Variants in BCAS3 observed in about 807,000 individuals in gnomAD.
BCAS3 encodes the protein BCAS3 microtubule associated cell migration factor, also known as BCAS4/BCAS3 fusion.
BCAS3 carries 53 observed loss-of-function variants against 116.1 expected under a neutral mutation model. The ratio of observed to expected loss-of-function variants is 0.46; its 90% CI spans 0.37 to 0.57. BCAS3 has a LOEUF of 0.57. Among genes scored for constraint, BCAS3 ranks in the 20% least tolerant of loss-of-function variants. The pLI, the probability that BCAS3 is intolerant of heterozygous loss-of-function variation, is 0.00. For synonymous variants in BCAS3, 391 were observed against 408.2 expected, an observed-to-expected ratio of 0.96 and a Z score of 0.51; for missense variants, 917 against 1,165.4, an observed-to-expected ratio of 0.79 and a Z score of 3.10.
chr17:61,046,781 A>AT (rs1486226484), intron 19 of BCAS3, among the ~76,000 whole-genome samples: 2 of 151,616 alleles, frequency 1.3e-5, no homozygotes, highest in South Asian at 2.1e-4. Context: ...TGTTGCAAGC[A>AT]TTTTTTTTGT....
chr17:60,818,835 C>A (rs1012198588), intron 7 of BCAS3, among the ~76,000 whole-genome samples: 1 of 152,030 alleles, frequency 6.6e-6, no homozygotes, highest in Non-Finnish European at 1.5e-5. Flanking sequence ...TTAGGTATAC[C>A]GTTTATGCTG....
In BCAS3 at chr17:61,363,073, C is replaced by T. The variant is rs2058538342; in HGVS notation, c.2426-5254C>T. ...TTCATTATGGAGGAATTCATGCCCT[C>T]GGGAGCTTCTAAACTAGTTAGAAAA... is the stretch of plus-strand genomic sequence containing the variant. On this transcript the variant is annotated intron_variant, in intron 22 of 23. Coordinates refer to ENST00000407086, the MANE Select transcript of BCAS3 (RefSeq NM_017679.5). This position sits in a 1 kb window ranked among gnomAD's most constrained non-coding sequence, Gnocchi z 4.9. 6.6e-6 allele frequency among the ~76,000 whole-genome samples: 1 copy of T among 152,102 alleles called. No homozygotes were observed. Among genetic ancestry groups the T allele is most frequent in the African/African-American group, 2.4e-5 (1 of 41,412 alleles).
chr17:61,295,826 A>C (rs2144721283), intron 22 of BCAS3, among the ~76,000 whole-genome samples: 1 of 151,840 alleles, frequency 6.6e-6, no homozygotes, highest in South Asian at 2.1e-4. Context: ...GTGGTGATGC[A>C]CATCTGTAAT....
At position 61,391,054 on chromosome 17, in the gene BCAS3, C is replaced by G. The variant is rs2060108131; in HGVS notation, c.2594-923C>G. ...TCAAAAAGCCAAGAAGTAATTGGTT[C>G]TTCCTTGCACTCAGCAAGCAGGGAA... On this transcript the variant is annotated intron_variant, in intron 23 of 23. Coordinates refer to ENST00000407086, the MANE Select transcript of BCAS3 (RefSeq NM_017679.5). The surrounding 1 kb of genome is among the most constrained non-coding windows in gnomAD (Gnocchi z 7.7). 6.6e-6 allele frequency: 1 copy of G among 152,256 alleles called. No individual in the cohort carries two copies. The highest frequency in any genetic ancestry group is 1.5e-5 in the Non-Finnish European group (1 of 68,062). The allele number at this position is 152,256 out of a possible 1,614,324, so 9.4% of individuals were successfully genotyped here. A position where few individuals can be genotyped will look rare whatever the true frequency, so the allele number is the denominator to read the frequency against.
chr17:60,992,825 A>AAT (rs2063613607), intron 15 of BCAS3, among the ~76,000 whole-genome samples: 1 of 152,172 alleles, frequency 6.6e-6, no homozygotes, highest in African/African-American at 2.4e-5. Flanking sequence ...TTAGTGTTAA[A>AAT]ATTGTGTTTT....
intron 7 of BCAS3, among the ~76,000 whole-genome samples, chr17:60,815,856 A>C (rs2049336435): frequency 2.0e-5 from 3 of 152,026 alleles, no homozygotes; most frequent in South Asian, 2.1e-4. Flanking sequence ...GCCCATCTTT[A>C]TTTCTTTCTT....
rs534451541 is a variant in BCAS3 at position 60,756,768 on chromosome 17, G to A, written c.403+9489G>A. The stretch of plus-strand genomic sequence containing the variant: ...AGGTTATACAGATTTCTTCTCCTTT[G>A]GATAAATACCAAGTAATGGGATTGC... On this transcript the variant is annotated intron_variant, in intron 6 of 23. Coordinates refer to ENST00000407086, the MANE Select transcript of BCAS3 (RefSeq NM_017679.5). Among the ~76,000 whole-genome samples, 33 of 152,186 alleles carry A rather than the reference G, an allele frequency of 2.2e-4. 1 individual carries two copies. The highest frequency in any genetic ancestry group is 4.1e-4 in the Non-Finnish European group (28 of 67,988).
At position 61,068,933 on chromosome 17, in the gene BCAS3, C is replaced by T. The variant is rs1391365665; in HGVS notation, c.2030-5987C>T. Among the ~76,000 whole-genome samples, 2 of 151,972 alleles carry T rather than the reference C, an allele frequency of 1.3e-5. No individual in the cohort carries two copies. Among genetic ancestry groups the T allele is most frequent in the African/African-American group, 2.4e-5 (1 of 41,350 alleles). On this transcript the variant is annotated intron_variant, in intron 19 of 23. Transcript: ENST00000407086. The surrounding 1 kb of genome is among the most constrained non-coding windows in gnomAD (Gnocchi z 4.3). ...AGGTAGTAAACATAGAATGTTCTTC[C>T]TACCTGGATTGAGAGAAATTTTTTA...
intron 5 of BCAS3, among the ~76,000 whole-genome samples, chr17:60,731,428 G>T (rs2040443180): frequency 6.6e-6 from 1 of 152,102 alleles, no homozygotes; most frequent in Admixed American, 6.5e-5. Context: ...GGCCAGGCTG[G>T]TCTCAAACTC....
chr17:61,210,608 T>G (rs946205809), intron 22 of BCAS3, among the ~76,000 whole-genome samples: 7 of 152,194 alleles, frequency 4.6e-5, no homozygotes, highest in African/African-American at 1.7e-4. Flanking sequence ...TCACTGAAAT[T>G]GCTCTGTGAC....
chr17:60,724,086 C>G (rs2039552115), intron 5 of BCAS3, among the ~76,000 whole-genome samples: 1 of 151,646 alleles, frequency 6.6e-6, no homozygotes, highest in Admixed American at 6.6e-5. Context: ...TTATCTTTTA[C>G]TCTATTATTA....
At chr17:60,945,917 G>T (rs970338793) in intron 13 of BCAS3, among the ~76,000 whole-genome samples, 1 of 151,692 alleles carries the variant, frequency 6.6e-6, no homozygotes, top group African/African-American at 2.4e-5. Flanking sequence ...TCAGGAGATC[G>T]AGACCATCCT....
rs2077844634 is a variant in BCAS3, at chr17:61,156,433, T to C, written c.2425+71869T>C. The stretch of plus-strand genomic sequence containing the variant: ...TAATATTTGGTCTGCCAAAATGAGA[T>C]AGAGAAATGGAAATACGTGCTTTGT... On this transcript the variant is annotated intron_variant, in intron 22 of 23. Coordinates refer to ENST00000407086, the MANE Select transcript of BCAS3 (RefSeq NM_017679.5). This position sits in a 1 kb window ranked among gnomAD's most constrained non-coding sequence, Gnocchi z 4.7. 6.6e-6 allele frequency among the ~76,000 whole-genome samples: 1 copy of C among 152,156 alleles called. No individual in the cohort carries two copies. The highest frequency in any genetic ancestry group is 2.4e-5 in the African/African-American group (1 of 41,422).
intron 23 of BCAS3, among the ~76,000 whole-genome samples, chr17:61,374,196 T>C (rs1025999642): frequency 1.3e-5 from 2 of 150,150 alleles, no homozygotes; most frequent in Non-Finnish European, 3.0e-5. Context: ...CCTTTTTTTT[T>C]TTTTTTCTCT....
intron 22 of BCAS3, among the ~76,000 whole-genome samples, chr17:61,271,956 C>T (rs1469836693): frequency 6.8e-6 from 1 of 147,198 alleles, no homozygotes; most frequent in African/African-American, 2.7e-5. Context: ...ACTACAGGCA[C>T]ACACCACCAT....
intron 10 of BCAS3, among the ~76,000 whole-genome samples, chr17:60,892,171 G>T (rs1246339548): frequency 1.3e-5 from 2 of 152,090 alleles, no homozygotes; most frequent in African/African-American, 4.8e-5. Context: ...ATACCCAGTG[G>T]TGGGATTGCT....
intron 21 of BCAS3, among the ~76,000 whole-genome samples, chr17:61,079,501 C>T (rs887746880): frequency 1.3e-5 from 2 of 152,232 alleles, no homozygotes; most frequent in South Asian, 2.1e-4. Flanking sequence ...AGAGTACGGC[C>T]GGCTGCCTAC....
intron 16 of BCAS3, among the ~76,000 whole-genome samples, chr17:61,018,319 T>G (rs904858029): frequency 1.6e-4 from 21 of 132,562 alleles, no homozygotes; most frequent in African/African-American, 7.5e-4. Context: ...TTTTTTTTTT[T>G]GAGACGTAGT....
chr17:61,247,600 A>G (rs2048072126), intron 22 of BCAS3, among the ~76,000 whole-genome samples: 1 of 152,194 alleles, frequency 6.6e-6, no homozygotes, highest in Non-Finnish European at 1.5e-5. Context: ...ACCACCTACC[A>G]GCAAGAGCAG....
Sources: gnomAD v4.1 joint callset for allele counts (sites outside exome capture counted in the v4.1 genomes callset) on GRCh38, gnomAD v4.1.1 for gene constraint, Gnocchi (gnomAD v3.1) non-coding constraint, MANE v1.5 for transcripts, NCBI Gene and HGNC (gene_info 2026-07-23, HGNC 2026-07-21) for gene names.